Variants in TRMT1L observed in about 807,000 individuals in gnomAD.
The protein encoded by TRMT1L is tRNA methyltransferase 1L, also known as tRNA (guanine(27)-N(2))-dimethyltransferase.
A neutral mutation model predicts 81.6 loss-of-function variants in TRMT1L; 28 were observed. The ratio of observed to expected loss-of-function variants is 0.34; its 90% CI spans 0.25 to 0.47. The LOEUF is 0.47. TRMT1L is among the 20% of genes least tolerant of loss of function. TRMT1L has a pLI of 1.00. For missense variants in TRMT1L, 739 were observed against 877.1 expected (o/e 0.84, Z 1.99); for synonymous variants, 301 against 303.2 (o/e 0.99, Z 0.07).
intron 7 of TRMT1L, among the ~76,000 whole-genome samples, chr1:185,140,838 G>C (rs1168098559): frequency 6.6e-6 from 1 of 151,222 alleles, no homozygotes; most frequent in Non-Finnish European, 1.5e-5. Context: ...AAATTAGCTG[G>C]GCATGGTGGC....
At chr1:185,156,338 G>C (rs1156292808) in intron 1 of TRMT1L, 140 bp downstream of exon 1, 9 of 1,576,770 alleles carry the variant, frequency 5.7e-6, no homozygotes, top group African/African-American at 1.3e-5. Context: ...GCCGCTACAC[G>C]GGCCCCTCTT....
chr1:185,139,661 A>G, intron 8 of TRMT1L, 82 bp from the exon 9 acceptor site: 1 of 976,104 alleles, frequency 1.0e-6, no homozygotes, highest in Non-Finnish European at 1.5e-6. Flanking sequence ...TAATTATAAA[A>G]TTCCATGGAT....
At chr1:185,125,677 TA>T (rs1652606521) in intron 11 of TRMT1L, among the ~76,000 whole-genome samples, 1 of 152,216 alleles carries the variant, frequency 6.6e-6, no homozygotes, top group Admixed American at 6.5e-5. Flanking sequence ...AGGAAAATGT[TA>T]TATGTGTATG....
chr1:185,136,780 C>G, intron 10 of TRMT1L, among the ~76,000 whole-genome samples: 1 of 152,006 alleles, frequency 6.6e-6, no homozygotes, highest in South Asian at 2.1e-4. Flanking sequence ...ACCACTGGAA[C>G]AGAACAGAAA....
chr1:185,133,259 T>A (rs1334578057), intron 10 of TRMT1L, among the ~76,000 whole-genome samples: 1 of 152,150 alleles, frequency 6.6e-6, no homozygotes, highest in African/African-American at 2.4e-5. Flanking sequence ...AGAGACAGGG[T>A]CTTGCTATGT....
In TRMT1L at chr1:185,123,966, AT is replaced by A. The variant is rs767065697; in HGVS notation, c.1760-48del. On this transcript the variant is annotated intron_variant, in intron 12 of 14. Transcript: ENST00000367506. Reference sequence around the variant, plus strand: ...AAAAGAAAATATTTTACAGAATGACATAAAGCAACAACTCAGTTTAAATAAA... The same window carrying A: ...AAAAGAAAATATTTTACAGAATGACAAAAGCAACAACTCAGTTTAAATAAA... 30 of 1,068,716 alleles carry A rather than the reference AT, an allele frequency of 2.8e-5. 2 individuals are homozygous for A. Among genetic ancestry groups the A allele is most frequent in the Non-Finnish European group, 3.3e-5 (25 of 748,768 alleles). 66.2% of individuals were successfully genotyped at this position (1,068,716 alleles called of 1,614,324 possible).
At chr1:185,133,622 G>C (rs1366995917) in intron 10 of TRMT1L, among the ~76,000 whole-genome samples, 1 of 148,822 alleles carries the variant, frequency 6.7e-6, no homozygotes, top group African/African-American at 2.5e-5. Flanking sequence ...TTAAGAGATG[G>C]CATCTTGCTC....
intron 9 of TRMT1L, among the ~76,000 whole-genome samples, chr1:185,138,052 A>G (rs1208715828): frequency 1.3e-5 from 2 of 152,268 alleles, no homozygotes; most frequent in African/African-American, 4.8e-5. Flanking sequence ...CAATAGGGCA[A>G]TATTTTCTGG....
intron 3 of TRMT1L, 42 bp downstream of exon 3, chr1:185,150,337 A>C: frequency 7.2e-7 from 1 of 1,395,134 alleles, no homozygotes; most frequent in Non-Finnish European, 1.0e-6. Flanking sequence ...TAAATGTTGA[A>C]TTTCATATAT....
In TRMT1L at chr1:185,140,076, T is replaced by C. The variant is rs1652997787; in HGVS notation, c.1006A>G (p.Lys336Glu). ...KVVVDSKEKE[K>E]SDDILEEGEK... ...CCTTCTTCAAGAATATCATCACTCT[T>C]TTCCTTTTCCTTACTGTCCACCACC... Residue 336 changes from lysine to glutamate, a missense_variant, in exon 8 of 15, where the codon AAG (lysine) becomes GAG (glutamate). Coordinates refer to ENST00000367506, the MANE Select transcript of TRMT1L (RefSeq NM_030934.5). 1 of 1,613,686 alleles carries C rather than the reference T, an allele frequency of 6.2e-7. No homozygotes were observed. Among genetic ancestry groups the C allele is most frequent in the East Asian group, 2.2e-5 (1 of 44,792 alleles).
rs983853258 is a variant in TRMT1L at position 185,119,132 on chromosome 1, T to C, written c.*887A>G. The C allele has an allele frequency of 6.6e-6, 1 of 151,386 alleles. No individual in the cohort carries two copies. Among genetic ancestry groups the C allele is most frequent in the Admixed American group, 6.6e-5 (1 of 15,184 alleles). The allele number at this position is 151,386 out of a possible 1,614,324, so 9.4% of individuals were successfully genotyped here. On this transcript the variant is annotated 3_prime_UTR_variant, in exon 15 of 15. Transcript: ENST00000367506. The stretch of plus-strand genomic sequence containing the variant: ...ATACAAATACACACAAAACCAAAAA[T>C]ACCAAACCAAGCAACAACAAAAAAA...
rs1226811902 is a variant in TRMT1L at position 185,156,831 on chromosome 1, G to C, written c.-119C>G. On this transcript the variant is annotated 5_prime_UTR_variant, in exon 1 of 15. Transcript: ENST00000367506. The stretch of plus-strand genomic sequence containing the variant: ...CAAGGAGTGGGGAAGCAAGTGGGGA[G>C]GGCGGGATGCGTGCAACAGACAAAA... The C allele has an allele frequency of 8.0e-6, 11 of 1,370,004 alleles. No homozygotes were observed. In the South Asian group the frequency reaches 1.4e-4, roughly 17 times the overall value. 84.9% of individuals were successfully genotyped at this position (1,370,004 alleles called of 1,614,324 possible). A position where few individuals can be genotyped will look rare whatever the true frequency, so the allele number is the denominator to read the frequency against.
intron 10 of TRMT1L, among the ~76,000 whole-genome samples, chr1:185,129,315 G>A (rs955804291): frequency 1.3e-5 from 2 of 152,074 alleles, no homozygotes; most frequent in African/African-American, 4.8e-5. Flanking sequence ...TAACTCTTCC[G>A]CAGTTGGAAA....
chr1:185,144,743 G>A (rs1013851771), intron 5 of TRMT1L, among the ~76,000 whole-genome samples: 1 of 151,754 alleles, frequency 6.6e-6, no homozygotes, highest in Non-Finnish European at 1.5e-5. Flanking sequence ...AATGGCAACT[G>A]TATCTTTCTT....
At chr1:185,129,338 T>C (rs914718224) in intron 10 of TRMT1L, among the ~76,000 whole-genome samples, 3 of 152,246 alleles carry the variant, frequency 2.0e-5, no homozygotes, top group Non-Finnish European at 4.4e-5. Context: ...AAATTCCTTA[T>C]GCTTGATTCA....
Position 185,137,620 on chromosome 1 carries a change from C to T in TRMT1L, c.1499G>A (p.Gly500Asp). Residue 500 changes from glycine (G) to aspartate (D), a missense_variant, in exon 10 of 15, where the codon GGT becomes GAT. Gly to Asp is a moderately conservative substitution (Grantham distance 94). This residue lies in a region of TRMT1L where 331 missense variants were observed against 462.2 expected (regional missense o/e 0.72). Transcript: ENST00000367506. Reference protein sequence around the residue: ...WCEERIFQKDGNMVEENPYRQ... With the variant: ...WCEERIFQKDDNMVEENPYRQ... ...CTTGAATTTACCTTCTACCATATTA[C>T]CATCCTTCTGAAAAATTCTCTCTTC... 2.5e-6 allele frequency: 4 copies of T among 1,613,754 alleles called. No homozygotes were observed. The highest frequency in any genetic ancestry group is 3.4e-6 in the Non-Finnish European group (4 of 1,179,894).
intron 7 of TRMT1L, 74 bp downstream of exon 7, chr1:185,143,283 T>C (rs1261805350): frequency 7.5e-7 from 1 of 1,329,202 alleles, no homozygotes; most frequent in South Asian, 1.3e-5. Flanking sequence ...TCACTGCCCA[T>C]ATATATTTTC....
In TRMT1L at chr1:185,120,124, T is replaced by C. The variant is rs747369093; in HGVS notation, c.2097A>G (p.Gly699=). The C allele has an allele frequency of 6.2e-7, 1 of 1,614,022 alleles. No individual in the cohort carries two copies. ...CTGACTGGACATGGCTTTCTGACTGTCCTCCAGTGTAGGTGGGGGTGCTGT... is the reference window on the plus strand; with the variant it reads ...CTGACTGGACATGGCTTTCTGACTGCCCTCCAGTGTAGGTGGGGGTGCTGT... ...LKYSTPTYTG[G]QSESHVQSAS... Residue 699 remains glycine, a synonymous_variant, in exon 15 of 15, where the codon GGA becomes GGG. Transcript: ENST00000367506.
chr1:185,136,879 A>C (rs1368774922), intron 10 of TRMT1L, among the ~76,000 whole-genome samples: 1 of 152,214 alleles, frequency 6.6e-6, no homozygotes, highest in Non-Finnish European at 1.5e-5. Context: ...GTACTATTCA[A>C]TACAACCTAA....
Sources: allele counts gnomAD v4.1 joint callset (sites outside exome capture counted in the v4.1 genomes callset), GRCh38; gene constraint gnomAD v4.1.1; regional missense constraint gnomAD v4.1.1; transcripts MANE v1.5; gene names NCBI Gene and HGNC (gene_info 2026-07-23, HGNC 2026-07-21).